The following AOC1 variants were observed in gnomAD, a reference collection of about 807,000 sequenced individuals.
AOC1 encodes the protein diamine oxidase [copper-containing].
Under a neutral mutation model 57.1 loss-of-function variants are expected in AOC1, and 58 were observed. That is an observed-to-expected ratio of 1.02 (90% CI 0.82 to 1.26). The LOEUF (loss-of-function observed/expected upper bound fraction) is 1.26, where lower values mean the gene tolerates loss of function less well. AOC1 is among the 50% of genes most tolerant of loss of function. The pLI is 0.00. For missense variants in AOC1, 917 were observed against 1,005.3 expected, an observed-to-expected ratio of 0.91 and a Z score of 1.19; for synonymous variants, 401 against 423.4, an observed-to-expected ratio of 0.95 and a Z score of 0.65.
At position 150,857,503 on chromosome 7, in the gene AOC1, C is replaced by A; in HGVS notation, c.1033C>A (p.Arg345Ser). The A allele has an allele frequency of 6.2e-7, 1 of 1,613,762 alleles. No individual in the cohort carries two copies. The highest frequency in any genetic ancestry group is 8.5e-7 in the Non-Finnish European group (1 of 1,179,954). The change falls in exon 2 of 5, where the codon CGC (arginine) becomes AGC (serine). Residue 345 changes from arginine to serine, a missense_variant. Coordinates refer to ENST00000360937, the MANE Select transcript of AOC1 (RefSeq NM_001091.4). The surrounding 1 kb of genome is among the most constrained non-coding windows in gnomAD (Gnocchi z 6.6). ...CCTGAACGTGCACTTCGGCGGAGAG[C>A]GCATTGCCTATGAGGTCAGCGTGCA... Reference protein sequence around the residue: ...QVLNVHFGGERIAYEVSVQEA... With the variant: ...QVLNVHFGGESIAYEVSVQEA...
In AOC1 at chr7:150,859,065, G is replaced by A. The variant is rs1270326048; in HGVS notation, c.1856+17G>A. 6.5e-7 allele frequency: 1 copy of A among 1,529,604 alleles called. No individual in the cohort carries two copies. The highest frequency in any genetic ancestry group is 8.8e-7 in the Non-Finnish European group (1 of 1,136,626). The allele number at this position is 1,529,604 out of a possible 1,614,324, so 94.8% of individuals were successfully genotyped here. ...CTGGGCAAGGTGAGGAAGACCCAGG[G>A]GGCCTGGGGGAGGGTCAGTGGCTTC... On this transcript the variant is annotated intron_variant, in intron 3 of 4. Transcript: ENST00000360937.
intron 3 of AOC1, 66 bp from the exon 4 acceptor site, chr7:150,860,435 C>T: frequency 6.2e-7 from 1 of 1,610,122 alleles, no homozygotes; most frequent in Non-Finnish European, 8.5e-7. Flanking sequence ...GAGGCTGTTC[C>T]CTGGGCAGGA....
intron 2 of AOC1, 36 bp downstream of exon 2, chr7:150,858,076 C>T: frequency 6.7e-7 from 1 of 1,493,614 alleles, no homozygotes; most frequent in Non-Finnish European, 8.9e-7. Flanking sequence ...GTTCAAACAT[C>T]TGCATCCAGC....
Position 150,856,406 on chromosome 7 carries a change from CA to C in AOC1, c.-16-48del, listed in dbSNP as rs1428251763. 3.9e-6 allele frequency: 6 copies of C among 1,531,372 alleles called. No individual in the cohort carries two copies. In the Admixed American group the frequency reaches 1.2e-4, roughly 31 times the overall value. 94.9% of individuals were successfully genotyped at this position (1,531,372 alleles called of 1,614,324 possible). ...CCATGGCCCTAACCTGAGGGAAGCC[CA>C]TCTCTGCCCATAAGACAACTAAGTT... On this transcript the variant is annotated intron_variant, in intron 1 of 4. Transcript: ENST00000360937. The surrounding 1 kb of genome is among the most constrained non-coding windows in gnomAD (Gnocchi z 5.2).
At chr7:150,858,187 T>C in intron 2 of AOC1, 147 bp downstream of exon 2, 1 of 1,186,038 alleles carries the variant, frequency 8.4e-7, no homozygotes, top group Non-Finnish European at 1.1e-6. Context: ...AGCTAGAAAT[T>C]TGTGTGTCCC....
intron 1 of AOC1, chr7:150,853,780 T>TG (rs570558581): frequency 6.6e-6 from 1 of 151,438 alleles, no homozygotes; most frequent in Non-Finnish European, 1.5e-5. Context: ...CCCAGCACTT[T>TG]GGGAGGCTGA....
Position 150,857,078 on chromosome 7 carries a change from T to C in AOC1, c.608T>C (p.Ile203Thr), listed in dbSNP as rs753795261. 7.4e-6 allele frequency: 12 copies of C among 1,613,960 alleles called. No individual in the cohort carries two copies. The highest frequency in any genetic ancestry group is 5.0e-5 in the Admixed American group (3 of 60,004). ...GGCCAGCGCCGCAGTTGGCTTATCA[T>C]ACAGCGCTATGTAGAAGGCTACTTT... is the stretch of plus-strand genomic sequence containing the variant. ...ASGQRRSWLI[I>T]QRYVEGYFLH... Residue 203 changes from isoleucine to threonine, a missense_variant, in exon 2 of 5, where the codon ATA becomes ACA. Transcript: ENST00000360937. The surrounding 1 kb of genome is among the most constrained non-coding windows in gnomAD (Gnocchi z 6.6).
Position 150,860,512 on chromosome 7 carries a change from C to T in AOC1, c.1868C>T (p.Ala623Val), listed in dbSNP as rs1799937288. The change falls in exon 4 of 5, where the codon GCA (alanine) becomes GTA (valine). Residue 623 changes from alanine (A) to valine (V), a missense_variant. Transcript: ENST00000360937. ...QAITWARYPL[A>V]VTKYRESELC... Reference sequence around the variant, plus strand: ...CCTGTGCCTGGCAGGTACCCCCTGGCAGTGACCAAGTACCGGGAGTCGGAG... The same window carrying T: ...CCTGTGCCTGGCAGGTACCCCCTGGTAGTGACCAAGTACCGGGAGTCGGAG... 1 of 1,613,906 alleles carries T rather than the reference C, an allele frequency of 6.2e-7. No individual in the cohort carries two copies. The highest frequency in any genetic ancestry group is 1.1e-5 in the South Asian group (1 of 91,086).
In AOC1 at chr7:150,858,020, G is replaced by A. The variant is rs372090349; in HGVS notation, c.1550G>A (p.Arg517His). ...GNIHTHLVHY[R>H]VDLDVAGTKN... is the part of the protein sequence containing the mutation. Reference sequence around the variant, plus strand: ...ATACACACTCACTTGGTGCACTACCGCGTAGACCTGGATGTGGCAGGTAGG... The same window carrying A: ...ATACACACTCACTTGGTGCACTACCACGTAGACCTGGATGTGGCAGGTAGG... The change falls in exon 2 of 5, where the codon CGC becomes CAC. Residue 517 changes from arginine to histidine, a missense_variant. Coordinates refer to ENST00000360937, the MANE Select transcript of AOC1 (RefSeq NM_001091.4). The A allele has an allele frequency of 2.2e-5, 34 of 1,527,510 alleles. No individual in the cohort carries two copies. Among genetic ancestry groups the A allele is most frequent in the Middle Eastern group, 1.8e-4 (1 of 5,714 alleles). 94.6% of individuals were successfully genotyped at this position (1,527,510 alleles called of 1,614,324 possible). A position where few individuals can be genotyped will look rare whatever the true frequency, so the allele number is the denominator to read the frequency against.
rs750813293 is a variant in AOC1 at position 150,857,415 on chromosome 7, C to T, written c.945C>T (p.Asn315=). 27 of 1,611,914 alleles carry T rather than the reference C, an allele frequency of 1.7e-5. No homozygotes were observed. Among genetic ancestry groups the T allele is most frequent in the South Asian group, 4.4e-5 (4 of 91,062 alleles). ...GCCCTCGCTTCAGGCTGGAGGGCAA[C>T]GCTGTGCTCTACGGCGGCTGGAGCT... ...PHGPRFRLEG[N]AVLYGGWSFA... Residue 315 remains asparagine (N), a synonymous_variant, in exon 2 of 5, where the codon AAC becomes AAT. Transcript: ENST00000360937. This position sits in a 1 kb window ranked among gnomAD's most constrained non-coding sequence, Gnocchi z 6.6.
At chr7:150,855,866 T>TAATGCAAGCCCTTG (rs1248411008) in intron 1 of AOC1, among the ~76,000 whole-genome samples, 1 of 152,164 alleles carries the variant, frequency 6.6e-6, no homozygotes, top group Non-Finnish European at 1.5e-5. Flanking sequence ...GTTGTCATTA[T>TAATGCAAGCCCTTG]TTTCATTTTA....
rs777394003 is a variant in AOC1 at position 150,856,635 on chromosome 7, G to T, written c.165G>T (p.Arg55Ser). Residue 55 changes from arginine to serine, a missense_variant, in exon 2 of 5, where the codon AGG (arginine) becomes AGT (serine). Physicochemically the swap from Arg to Ser is moderately radical, Grantham distance 110 (BLOSUM62 -1). Transcript: ENST00000360937. This position sits in a 1 kb window ranked among gnomAD's most constrained non-coding sequence, Gnocchi z 5.2. Reference sequence around the variant, plus strand: ...TCCTCTGGTCCAAGAAGGAGCTGAGGCTGCAGCCCTCCAGTACCACCACCA... The same window carrying T: ...TCCTCTGGTCCAAGAAGGAGCTGAGTCTGCAGCCCTCCAGTACCACCACCA... ...HSFLWSKKELRLQPSSTTTMA... is the reference protein window; with the variant it reads ...HSFLWSKKELSLQPSSTTTMA... The T allele has an allele frequency of 1.2e-6, 2 of 1,614,176 alleles. No individual in the cohort carries two copies. The highest frequency in any genetic ancestry group is 1.7e-6 in the Non-Finnish European group (2 of 1,179,994).
At chr7:150,860,753 C>T (rs1799945562) in intron 4 of AOC1, 120 bp downstream of exon 4, 2 of 1,397,442 alleles carry the variant, frequency 1.4e-6, no homozygotes, top group South Asian at 1.3e-5. Flanking sequence ...TGTCCCCAGT[C>T]GCAGGAGCTG....
chr7:150,855,726 C>T (rs2268998), intron 1 of AOC1, among the ~76,000 whole-genome samples: 50,374 of 152,028 alleles, frequency 0.33, 9,735 homozygotes, highest in African/African-American at 0.54. Context: ...GGGCTGGTGT[C>T]GATAGCCTGT....
chr7:150,857,369 C>T lies in AOC1; in HGVS notation c.899C>T (p.Pro300Leu). ...DFPSPIHVSG[P>L]RLVQPHGPRF... ...CCCAGCCCCATCCATGTGAGCGGCC[C>T]CCGCTTGGTCCAGCCCCACGGCCCT... Residue 300 changes from proline (P) to leucine (L), a missense_variant, in exon 2 of 5, where the codon CCC becomes CTC. By Grantham distance (98) the Pro-to-Leu change is moderately conservative. Transcript: ENST00000360937. This position sits in a 1 kb window ranked among gnomAD's most constrained non-coding sequence, Gnocchi z 6.6. 6.2e-7 allele frequency: 1 copy of T among 1,608,096 alleles called. No homozygotes were observed.
Position 150,854,163 on chromosome 7 carries a change from G to A in AOC1, c.-17+1605G>A, listed in dbSNP as rs976582865. On this transcript the variant is annotated intron_variant, in intron 1 of 4. Coordinates refer to ENST00000360937, the MANE Select transcript of AOC1 (RefSeq NM_001091.4). ...GCCCCTGCCTCACCTGCTCCCTCCA[G>A]GTAAGCAGGGCCTCCGAGAGCCCAA... 3.2e-4 allele frequency: 48 copies of A among 152,238 alleles called. 2 individuals carry two copies. The highest frequency in any genetic ancestry group is 3.1e-3 in the Admixed American group (48 of 15,264). The allele number at this position is 152,238 out of a possible 1,614,324, so 9.4% of individuals were successfully genotyped here. A position where few individuals can be genotyped will look rare whatever the true frequency, so the allele number is the denominator to read the frequency against.
chr7:150,860,898 T>A (rs1173189359), intron 4 of AOC1, 45 bp from the exon 5 acceptor site: 9 of 1,579,184 alleles, frequency 5.7e-6, no homozygotes, highest in Non-Finnish European at 7.7e-6. Flanking sequence ...CCTCCAGTGG[T>A]CAGTACTCAG....
rs1378616331 is a variant in AOC1, at chr7:150,856,823, C to A, written c.353C>A (p.Pro118His). 1 of 1,614,074 alleles carries A rather than the reference C, an allele frequency of 6.2e-7. No individual in the cohort carries two copies. The highest frequency in any genetic ancestry group is 1.7e-5 in the Admixed American group (1 of 60,020). Residue 118 changes from proline to histidine, a missense_variant, in exon 2 of 5, where the codon CCC (proline) becomes CAC (histidine). Physicochemically the swap from Pro to His is moderately conservative, Grantham distance 77. Transcript: ENST00000360937. The surrounding 1 kb of genome is among the most constrained non-coding windows in gnomAD (Gnocchi z 5.2). ...HPNVTEFAVG[P>H]LPGPCYMRAL... ...AATGTCACCGAGTTTGCTGTGGGGCCCCTGCCAGGGCCCTGCTACATGCGA... is the reference window on the plus strand; with the variant it reads ...AATGTCACCGAGTTTGCTGTGGGGCACCTGCCAGGGCCCTGCTACATGCGA...
chr7:150,856,488 G>A lies in AOC1; in HGVS notation c.18G>A (p.Trp6Ter). 2.5e-6 allele frequency: 4 copies of A among 1,613,622 alleles called. No homozygotes were observed. The highest frequency in any genetic ancestry group is 3.4e-6 in the Non-Finnish European group (4 of 1,179,848). The stretch of plus-strand genomic sequence containing the variant: ...AGCGAGAGATGCCGGCCCTGGGCTG[G>A]GCCGTGGCTGCCATCCTGATGCTGC... MPALG[W>*]AVAAILMLQT... The change falls in exon 2 of 5, where the codon TGG becomes TGA. Residue 6 changes from tryptophan (W) to a stop codon, truncating the protein, a stop_gained. Transcript: ENST00000360937. LOFTEE classifies it high-confidence loss of function. The surrounding 1 kb of genome is among the most constrained non-coding windows in gnomAD (Gnocchi z 5.2).
Sources: allele counts gnomAD v4.1 joint callset (sites outside exome capture counted in the v4.1 genomes callset), GRCh38; gene constraint gnomAD v4.1.1; non-coding constraint Gnocchi (gnomAD v3.1); transcripts MANE v1.5; gene names NCBI Gene and HGNC (gene_info 2026-07-23, HGNC 2026-07-21).